ZBTB20: variants seen among roughly 807,000 people sequenced by gnomAD.
ZBTB20 encodes zinc finger and BTB domain-containing protein 20.
A neutral mutation model predicts 56.9 loss-of-function variants in ZBTB20; 9 were observed. The ratio of observed to expected loss-of-function variants is 0.16; its 90% CI spans 0.10 to 0.28. ZBTB20 has a LOEUF of 0.28. ZBTB20 is among the 10% of genes least tolerant of loss of function. ZBTB20 has a pLI of 1.00. For synonymous variants in ZBTB20, 417 were observed against 420.7 expected, an observed-to-expected ratio of 0.99 and a Z score of 0.11; for missense variants, 655 against 1,003.0, an observed-to-expected ratio of 0.65 and a Z score of 4.69.
At chr3:114,638,210 C>T (rs143373886) in intron 6 of ZBTB20, among the ~76,000 whole-genome samples, 11 of 151,960 alleles carry the variant, frequency 7.2e-5, no homozygotes, top group South Asian at 2.1e-4. Flanking sequence ...TTTTTTTTTC[C>T]GTTACAAAGA....
At chr3:114,722,662 T>C (rs1291943060) in intron 5 of ZBTB20, among the ~76,000 whole-genome samples, 1 of 152,192 alleles carries the variant, frequency 6.6e-6, no homozygotes, top group Non-Finnish European at 1.5e-5. Context: ...CTCCCACACC[T>C]AGTCTGCTTC....
intron 3 of ZBTB20, among the ~76,000 whole-genome samples, chr3:114,912,617 C>T (rs1467317629): frequency 3.3e-5 from 5 of 151,968 alleles, no homozygotes; most frequent in Admixed American, 3.3e-4. Context: ...AATCCAACTA[C>T]ACTCTTTTAG....
chr3:114,961,262 C>A (rs1458072049), intron 3 of ZBTB20, among the ~76,000 whole-genome samples: 4 of 151,196 alleles, frequency 2.6e-5, no homozygotes, highest in African/African-American at 4.9e-5. Context: ...GGAAAAGGAT[C>A]TCAAAAGAAC....
At chr3:115,134,241 A>G (rs908917881) in intron 1 of ZBTB20, among the ~76,000 whole-genome samples, 1 of 152,160 alleles carries the variant, frequency 6.6e-6, no homozygotes, top group Admixed American at 6.5e-5. Flanking sequence ...TTTCCTCTTC[A>G]TCCAAAAGAT....
intron 6 of ZBTB20, among the ~76,000 whole-genome samples, chr3:114,550,194 T>C (rs993953757): frequency 1.3e-5 from 2 of 152,208 alleles, no homozygotes; most frequent in Non-Finnish European, 2.9e-5. Context: ...TGCCTTGGCC[T>C]CCCAAAGTGC....
intron 2 of ZBTB20, among the ~76,000 whole-genome samples, chr3:115,014,744 T>C (rs982911827): frequency 6.6e-6 from 1 of 151,764 alleles, no homozygotes; most frequent in Non-Finnish European, 1.5e-5. Context: ...AGTGTCTGTT[T>C]ATCAAAGCAT....
At chr3:114,612,603 T>C (rs1371956080) in intron 6 of ZBTB20, among the ~76,000 whole-genome samples, 2 of 152,354 alleles carry the variant, frequency 1.3e-5, no homozygotes, top group Admixed American at 6.5e-5. Context: ...ACAATAATGC[T>C]GCATTTTGCT....
At chr3:114,498,208 T>C (rs2043507552) in intron 7 of ZBTB20, among the ~76,000 whole-genome samples, 1 of 152,376 alleles carries the variant, frequency 6.6e-6, no homozygotes, top group East Asian at 1.9e-4. Context: ...TGGCAGATTA[T>C]GGAGGGTTCC....
At chr3:114,719,806 A>T (rs1173874631) in intron 5 of ZBTB20, among the ~76,000 whole-genome samples, 1 of 152,128 alleles carries the variant, frequency 6.6e-6, no homozygotes, top group African/African-American at 2.4e-5. Flanking sequence ...GGTAAAGCTG[A>T]TGTATTTTAA....
chr3:114,348,791 T>G (rs1015246554), intron 11 of ZBTB20, among the ~76,000 whole-genome samples: 1 of 152,242 alleles, frequency 6.6e-6, no homozygotes, highest in Non-Finnish European at 1.5e-5. Flanking sequence ...GTCTTCTCTC[T>G]TGGATTCCTA....
At chr3:114,402,998 A>C (rs1189595223) in intron 7 of ZBTB20, among the ~76,000 whole-genome samples, 1 of 152,164 alleles carries the variant, frequency 6.6e-6, no homozygotes, top group African/African-American at 2.4e-5. Context: ...TAAAATGTAA[A>C]AGTGGATGAT....
At chr3:115,140,370 T>C (rs1576837552) in intron 1 of ZBTB20, among the ~76,000 whole-genome samples, 1 of 152,112 alleles carries the variant, frequency 6.6e-6, no homozygotes, top group African/African-American at 2.4e-5. Context: ...TAATTTTATA[T>C]TCCTAAGACG....
chr3:114,341,839 G>A (rs1391382274), intron 11 of ZBTB20, among the ~76,000 whole-genome samples: 1 of 152,210 alleles, frequency 6.6e-6, no homozygotes, highest in East Asian at 1.9e-4. Context: ...TGAGTCCGTG[G>A]TGGACTGCAA....
intron 6 of ZBTB20, among the ~76,000 whole-genome samples, chr3:114,553,261 T>A (rs992471213): frequency 2.6e-5 from 4 of 152,198 alleles, no homozygotes; most frequent in Non-Finnish European, 5.9e-5. Context: ...AATCAATACT[T>A]CATGAGCATA....
chr3:114,807,052 A>G (rs974410681), intron 4 of ZBTB20, among the ~76,000 whole-genome samples: 1 of 152,038 alleles, frequency 6.6e-6, no homozygotes, highest in African/African-American at 2.4e-5. Flanking sequence ...CCTTTTTCAA[A>G]AGTATTTTCA....
At chr3:114,813,089 G>C (rs951419853) in intron 4 of ZBTB20, among the ~76,000 whole-genome samples, 1 of 152,240 alleles carries the variant, frequency 6.6e-6, no homozygotes, top group Admixed American at 6.5e-5. Flanking sequence ...GGCCAGCCCA[G>C]AAAGGGGCTC....
chr3:115,034,625 G>C (rs534805450), intron 2 of ZBTB20, among the ~76,000 whole-genome samples: 1 of 151,898 alleles, frequency 6.6e-6, no homozygotes, highest in Admixed American at 6.6e-5. Flanking sequence ...GAATTGGAAG[G>C]CTTAACATTG....
chr3:114,598,531 A>G (rs992822548), intron 6 of ZBTB20, among the ~76,000 whole-genome samples: 1 of 152,070 alleles, frequency 6.6e-6, no homozygotes. Flanking sequence ...GCATATACAC[A>G]AACATTTTCT....
At chr3:114,896,902 G>A (rs2074906118) in intron 4 of ZBTB20, among the ~76,000 whole-genome samples, 1 of 151,996 alleles carries the variant, frequency 6.6e-6, no homozygotes, top group Non-Finnish European at 1.5e-5. Flanking sequence ...AGGTAACTTT[G>A]TATAGAACCT....
Sources: allele counts gnomAD v4.1 joint callset (sites outside exome capture counted in the v4.1 genomes callset), GRCh38; gene constraint gnomAD v4.1.1; transcripts MANE v1.5; gene names NCBI Gene and HGNC (gene_info 2026-07-23, HGNC 2026-07-21).